The following IGF2R variants were observed in gnomAD, a reference collection of about 807,000 sequenced individuals.
IGF2R encodes insulin like growth factor 2 receptor.
IGF2R carries 91 observed loss-of-function variants against 270.6 expected under a neutral mutation model. The ratio of observed to expected loss-of-function variants is 0.34; its 90% CI spans 0.28 to 0.40. IGF2R has a LOEUF of 0.40. IGF2R is among the 10% of genes least tolerant of loss of function. The pLI is 1.00. For missense variants in IGF2R, 2,805 were observed against 3,188.3 expected, an observed-to-expected ratio of 0.88 and a Z score of 2.90; for synonymous variants, 1,316 against 1,258.9, an observed-to-expected ratio of 1.05 and a Z score of -0.96.
chr6:159,980,220 A>AAAGGAAGAAAGGAAGG (rs1562330591), intron 1 of IGF2R, among the ~76,000 whole-genome samples: 3 of 135,718 alleles, frequency 2.2e-5, no homozygotes, highest in Admixed American at 7.3e-5. Context: ...AGAAAGAAAG[A>AAAGGAAGAAAGGAAGG]AAGAAAGAAA....
intron 39 of IGF2R, among the ~76,000 whole-genome samples, chr6:160,083,525 C>T (rs1332859361): frequency 6.6e-6 from 1 of 152,238 alleles, no homozygotes. Context: ...TCAGGTCTTT[C>T]TCATCCCACG....
At chr6:160,025,735 T>C (rs1428341339) in intron 5 of IGF2R, among the ~76,000 whole-genome samples, 1 of 152,130 alleles carries the variant, frequency 6.6e-6, no homozygotes, top group Non-Finnish European at 1.5e-5. Flanking sequence ...CCTTTATTGA[T>C]TTTTTGGAAA....
chr6:160,070,139 C>T, intron 31 of IGF2R, 81 bp downstream of exon 31: 2 of 1,361,834 alleles, frequency 1.5e-6, no homozygotes, highest in East Asian at 2.4e-5. Context: ...CGCACGTCCT[C>T]ATCTGCCTTG....
At chr6:160,015,807 G>T (rs1408226827) in intron 4 of IGF2R, among the ~76,000 whole-genome samples, 1 of 152,192 alleles carries the variant, frequency 6.6e-6, no homozygotes, top group African/African-American at 2.4e-5. Context: ...GAATGGTCTA[G>T]CACCATCCCC....
At chr6:160,090,950 G>A (rs895759536) in intron 44 of IGF2R, among the ~76,000 whole-genome samples, 3 of 147,174 alleles carry the variant, frequency 2.0e-5, no homozygotes, top group African/African-American at 7.6e-5. Flanking sequence ...TGAGCGCATC[G>A]CCGAGAAGGA....
rs202002614 is a variant in IGF2R, at chr6:160,024,409, A to T, written c.514-163A>T. On this transcript the variant is annotated intron_variant, in intron 4 of 47. Transcript: ENST00000356956. ...AGAGATACCGAAAAGAACGCAGAGG[A>T]GCCAAGACGTTTATTGACCTTTGCC... Among the ~76,000 whole-genome samples the T allele has an allele frequency of 7.2e-5, 11 of 152,170 alleles. No homozygotes were observed. In the East Asian group the frequency reaches 2.1e-3, roughly 29 times the overall value.
chr6:160,068,166 A>T (rs1778631598), intron 29 of IGF2R, 83 bp from the exon 30 acceptor site: 1 of 1,525,222 alleles, frequency 6.6e-7, no homozygotes, highest in Middle Eastern at 1.7e-4. Context: ...ATGCCTGAAT[A>T]CTTGAACGTT....
In IGF2R at chr6:160,108,134, C is replaced by T. The variant is rs1779662111; in HGVS notation, c.*3050C>T. ...ATCCTTTACTGACTCTGAAGAATCC[C>T]ATGGCTCAGGGAGGTACACTCATGT... On this transcript the variant is annotated 3_prime_UTR_variant, in exon 48 of 48. Coordinates refer to ENST00000356956, the MANE Select transcript of IGF2R (RefSeq NM_000876.4). 6.6e-6 allele frequency: 1 copy of T among 152,246 alleles called. No individual in the cohort carries two copies. Among genetic ancestry groups the T allele is most frequent in the Non-Finnish European group, 1.5e-5 (1 of 68,058 alleles). 9.4% of individuals were successfully genotyped at this position (152,246 alleles called of 1,614,324 possible). A position where few individuals can be genotyped will look rare whatever the true frequency, so the allele number is the denominator to read the frequency against.
chr6:160,065,447 C>T (rs990445670), intron 29 of IGF2R, among the ~76,000 whole-genome samples: 10 of 152,134 alleles, frequency 6.6e-5, no homozygotes, highest in African/African-American at 2.4e-4. Context: ...GGCCTTTGTC[C>T]TGTTGTGTCA....
chr6:159,976,718 C>T (rs1783699652), intron 1 of IGF2R, among the ~76,000 whole-genome samples: 2 of 151,870 alleles, frequency 1.3e-5, no homozygotes, highest in South Asian at 2.1e-4. Context: ...GTTTCAACTT[C>T]CTGGACCCAC....
At chr6:160,094,189 G>A (rs1779295077) in intron 44 of IGF2R, 1 of 365,860 alleles carries the variant, frequency 2.7e-6, no homozygotes, top group Admixed American at 3.8e-5. Flanking sequence ...GTTACAGAAT[G>A]GTACACCCAG....
intron 36 of IGF2R, among the ~76,000 whole-genome samples, chr6:160,077,755 A>AAATAAAGTG (rs1181151345): frequency 2.0e-5 from 3 of 152,354 alleles, no homozygotes. Flanking sequence ...GGGAGGGAAT[A>AAATAAAGTG]AATAAAGTGA....
chr6:160,065,814 G>GTGTGTGTATGTGTATATATATATA, intron 29 of IGF2R, among the ~76,000 whole-genome samples: 8 of 78,392 alleles, frequency 1.0e-4, no homozygotes, highest in Admixed American at 1.6e-4. Context: ...GTGTGTGTGT[G>GTGTGTGTATGTGTATATATATATA]TATATATATA....
Position 160,058,139 on chromosome 6 carries a change from A to G in IGF2R, c.2898+15A>G, listed in dbSNP as rs147581507. On this transcript the variant is annotated intron_variant, in intron 21 of 47. Transcript: ENST00000356956. ...AGATTTTTATGGTAAGAGCGATATG[A>G]TGCATTTCCAGTTTGCTTTGAAACA... 1.4e-4 allele frequency: 209 copies of G among 1,534,370 alleles called. 2 individuals are homozygous for G. The East Asian group carries it at 4.5e-3, about 33-fold the overall frequency.
At chr6:160,099,331 T>TTTATGTTATGTTATGTTATGTTATG (rs56981943) in intron 45 of IGF2R, among the ~76,000 whole-genome samples, 3 of 149,026 alleles carry the variant, frequency 2.0e-5, no homozygotes, top group African/African-American at 7.5e-5. Context: ...TTTCCTCAGC[T>TTTATGTTATGTTATGTTATGTTATG]TTATGTTATG....
In IGF2R at chr6:160,078,247, A is replaced by G; in HGVS notation, c.5363A>G (p.Glu1788Gly). 6.2e-7 allele frequency: 1 copy of G among 1,614,192 alleles called. No homozygotes were observed. Among genetic ancestry groups the G allele is most frequent in the Admixed American group, 1.7e-5 (1 of 60,028 alleles). Residue 1788 changes from glutamate to glycine, a missense_variant, in exon 37 of 48, where the codon GAA becomes GGA. This residue lies in a region of IGF2R where 1,851 missense variants were observed against 2,207.2 expected (regional missense o/e 0.84). Coordinates refer to ENST00000356956, the MANE Select transcript of IGF2R (RefSeq NM_000876.4). ...LRTSECDFVF[E>G]WETPVVCPDE... ...ACCAGCGAGTGCGACTTTGTGTTCG[A>G]ATGGGAGACTCCTGTCGTCTGTCCT...
intron 2 of IGF2R, chr6:160,007,307 T>C (rs1049118669): frequency 4.6e-5 from 7 of 152,258 alleles, no homozygotes; most frequent in African/African-American, 1.4e-4. Context: ...AATGTCCTGC[T>C]GACTTACATA....
intron 19 of IGF2R, 55 bp from the exon 20 acceptor site, chr6:160,056,369 T>G (rs1263964008): frequency 1.7e-6 from 2 of 1,193,806 alleles, no homozygotes; most frequent in African/African-American, 3.0e-5. Flanking sequence ...ATTCTTTTGG[T>G]TCTATCAAGT....
At position 160,046,418 on chromosome 6, in the gene IGF2R, C is replaced by G; in HGVS notation, c.1904-80C>G. On this transcript the variant is annotated intron_variant, in intron 14 of 47. Transcript: ENST00000356956. ...GGAACCTCCTGGGAAGAACCTCTCC[C>G]TTTCAAACTGTGGGGTGAGACCACT... is the stretch of plus-strand genomic sequence containing the variant. 3.6e-6 allele frequency: 5 copies of G among 1,405,160 alleles called. No homozygotes were observed. In the South Asian group the frequency reaches 5.7e-5, roughly 16 times the overall value. The allele number at this position is 1,405,160 out of a possible 1,614,324, so 87.0% of individuals were successfully genotyped here.
Sources: gnomAD v4.1 joint callset for allele counts (sites outside exome capture counted in the v4.1 genomes callset) on GRCh38, gnomAD v4.1.1 for gene constraint, gnomAD v4.1.1 regional missense constraint, MANE v1.5 for transcripts, NCBI Gene and HGNC (gene_info 2026-07-23, HGNC 2026-07-21) for gene names.